MSL1: variants seen among roughly 807,000 people sequenced by gnomAD.
The protein encoded by MSL1 is male-specific lethal 1 homolog.
Under a neutral mutation model 64.6 loss-of-function variants are expected in MSL1, and 21 were observed. The ratio of observed to expected loss-of-function variants is 0.33; its 90% CI spans 0.23 to 0.47. MSL1 has a LOEUF of 0.47. Ranked by LOEUF, MSL1 falls within the 20% of genes least tolerant of loss-of-function variation. MSL1 has a pLI of 1.00. For synonymous variants in MSL1, 339 were observed against 329.6 expected (o/e 1.03, Z -0.31); for missense variants, 664 against 793.2 (o/e 0.84, Z 1.96).
chr17:40,131,694 T>C lies in MSL1; in HGVS notation c.1423+110T>C. ...ACTGGATGTGGGAGACTGAGATTTC[T>C]TGGTGTATGATTGATTACACTACTA... On this transcript the variant is annotated intron_variant, in intron 4 of 8. Transcript: ENST00000398532. This position sits in a 1 kb window ranked among gnomAD's most constrained non-coding sequence, Gnocchi z 4.5. 1 of 1,017,514 alleles carries C rather than the reference T, an allele frequency of 9.8e-7. No individual in the cohort carries two copies. The highest frequency in any genetic ancestry group is 1.6e-6 in the Non-Finnish European group (1 of 639,064). The allele number at this position is 1,017,514 out of a possible 1,614,324, so 63.0% of individuals were successfully genotyped here.
At position 40,129,352 on chromosome 17, in the gene MSL1, A is replaced by G. The variant is rs1235398084; in HGVS notation, c.1100A>G (p.Glu367Gly). 6.2e-7 allele frequency: 1 copy of G among 1,612,718 alleles called. No homozygotes were observed. Among genetic ancestry groups the G allele is most frequent in the African/African-American group, 1.3e-5 (1 of 74,898 alleles). The change falls in exon 3 of 9, where the codon GAA becomes GGA. Residue 367 changes from glutamate (E) to glycine (G), a missense_variant. Glu to Gly is a moderately conservative substitution (Grantham distance 98). Around this residue, in one of 4 missense-constraint regions of MSL1, gnomAD observed 466 missense variants for 499.0 expected, o/e 0.93. Coordinates refer to ENST00000398532, the MANE Select transcript of MSL1 (RefSeq NM_001365919.1). The stretch of plus-strand genomic sequence containing the variant: ...CCTAAGCACTCTCCTATTAAAGAGG[A>G]ACCCTGTGGTTCCTTATCTGAAACT... ...KTPKHSPIKE[E>G]PCGSLSETVC...
At chr17:40,124,535 T>G (rs1394183260) in intron 1 of MSL1, 1 of 152,244 alleles carries the variant, frequency 6.6e-6, no homozygotes, top group Non-Finnish European at 1.5e-5. Context: ...GGAGAATGCA[T>G]TCTGCAAGGT....
In MSL1 at chr17:40,129,419, G is replaced by A. The variant is rs777983898; in HGVS notation, c.1167G>A (p.Lys389=). 2 of 1,613,086 alleles carry A rather than the reference G, an allele frequency of 1.2e-6. No individual in the cohort carries two copies. Among genetic ancestry groups the A allele is most frequent in the African/African-American group, 1.3e-5 (1 of 74,770 alleles). Residue 389 remains lysine, a synonymous_variant, in exon 3 of 9, where the codon AAG becomes AAA. Transcript: ENST00000398532. ...RELRSQETPE[K]PRSSVDTPPR... ...TGAGGAGCCAAGAAACCCCAGAAAAGCCCCGGTCTTCAGTGGACACCCCAC... is the reference window on the plus strand; with the variant it reads ...TGAGGAGCCAAGAAACCCCAGAAAAACCCCGGTCTTCAGTGGACACCCCAC...
At chr17:40,133,322 C>T (rs1988478157) in intron 6 of MSL1, 2 of 748,530 alleles carry the variant, frequency 2.7e-6, no homozygotes, top group East Asian at 5.4e-5. Context: ...TGACCTTCCT[C>T]AATTCTACTT....
Position 40,135,244 on chromosome 17 carries a change from G to A in MSL1, c.*875G>A, listed in dbSNP as rs750284030. Reference sequence around the variant, plus strand: ...TGGGATAGAGACTTAGGGAGGGTAGGGGGAGAGTGTGGAAATAGGTGCTTC... The same window carrying A: ...TGGGATAGAGACTTAGGGAGGGTAGAGGGAGAGTGTGGAAATAGGTGCTTC... On this transcript the variant is annotated 3_prime_UTR_variant, in exon 9 of 9. Coordinates refer to ENST00000398532, the MANE Select transcript of MSL1 (RefSeq NM_001365919.1). 6.6e-6 allele frequency: 1 copy of A among 152,250 alleles called. No individual in the cohort carries two copies. Among genetic ancestry groups the A allele is most frequent in the African/African-American group, 2.4e-5 (1 of 41,402 alleles). 9.4% of individuals were successfully genotyped at this position (152,250 alleles called of 1,614,324 possible).
At position 40,123,038 on chromosome 17, in the gene MSL1, C is replaced by T. The variant is rs958725750; in HGVS notation, c.426C>T (p.Leu142=). The T allele has an allele frequency of 2.6e-6, 4 of 1,532,248 alleles. No homozygotes were observed. In the African/African-American group the frequency reaches 4.1e-5, roughly 16 times the overall value. The allele number at this position is 1,532,248 out of a possible 1,614,324, so 94.9% of individuals were successfully genotyped here. The stretch of plus-strand genomic sequence containing the variant: ...TGCTGCCCATTCAGACGGGCTCTCT[C>T]GTGGCGGCGGCCAAAGAGCCTACGC... ...QAVLPIQTGS[L]VAAAKEPTPW... is the part of the protein sequence containing the mutation. Residue 142 remains leucine, a synonymous_variant, in exon 1 of 9, where the codon CTC becomes CTT. Coordinates refer to ENST00000398532, the MANE Select transcript of MSL1 (RefSeq NM_001365919.1).
rs983523179 is a variant in MSL1 at position 40,122,735 on chromosome 17, C to T, written c.123C>T (p.Ala41=). 2 of 1,453,086 alleles carry T rather than the reference C, an allele frequency of 1.4e-6. No individual in the cohort carries two copies. The highest frequency in any genetic ancestry group is 1.5e-5 in the African/African-American group (1 of 67,292). The allele number at this position is 1,453,086 out of a possible 1,614,324, so 90.0% of individuals were successfully genotyped here. ...GGCCCGAGGACGAGCCTGGGGCGGC[C>T]GAAGCCCACTTCCTCCCCCGGCACC... The part of the protein sequence containing the change: ...LGGPEDEPGA[A]EAHFLPRHRK... Residue 41 remains alanine, a synonymous_variant, in exon 1 of 9, where the codon GCC becomes GCT. Transcript: ENST00000398532. This position sits in a 1 kb window ranked among gnomAD's most constrained non-coding sequence, Gnocchi z 4.2.
At chr17:40,134,081 T>C (rs955386564) in intron 8 of MSL1, among the ~76,000 whole-genome samples, 182 bp downstream of exon 8, 1 of 152,166 alleles carries the variant, frequency 6.6e-6, no homozygotes, top group Non-Finnish European at 1.5e-5. Flanking sequence ...ATTAGGAGTA[T>C]TGCTTTTTGA....
In MSL1 at chr17:40,131,868, G is replaced by A; in HGVS notation, c.1424-166G>A. On this transcript the variant is annotated intron_variant, in intron 4 of 8. Transcript: ENST00000398532. This position sits in a 1 kb window ranked among gnomAD's most constrained non-coding sequence, Gnocchi z 4.5. ...TTTAGGTTCTTTTATACCATAGCAA[G>A]GACACTGAATATGGCTTCAGGGAGG... is the stretch of plus-strand genomic sequence containing the variant. 1 of 622,310 alleles carries A rather than the reference G, an allele frequency of 1.6e-6. No individual in the cohort carries two copies. The highest frequency in any genetic ancestry group is 2.8e-6 in the Non-Finnish European group (1 of 355,014). 38.5% of individuals were successfully genotyped at this position (622,310 alleles called of 1,614,324 possible).
rs943441563 is a variant in MSL1 at position 40,122,181 on chromosome 17, G to T, written c.-432G>T. ...CACCCCCTCCTGAGGAGGAGGGGGG[G>T]GAAATGGAGGCTCGGGGCGGTTGAG... On this transcript the variant is annotated 5_prime_UTR_variant, in exon 1 of 9. Coordinates refer to ENST00000398532, the MANE Select transcript of MSL1 (RefSeq NM_001365919.1). This position sits in a 1 kb window ranked among gnomAD's most constrained non-coding sequence, Gnocchi z 4.2. 3 of 149,596 alleles carry T rather than the reference G, an allele frequency of 2.0e-5. No individual in the cohort carries two copies. Among genetic ancestry groups the T allele is most frequent in the Admixed American group, 6.6e-5 (1 of 15,134 alleles). 9.3% of individuals were successfully genotyped at this position (149,596 alleles called of 1,614,324 possible).
chr17:40,133,675 TAA>T lies in MSL1; in HGVS notation c.1681+20_1681+21del. 1 of 1,612,454 alleles carries T rather than the reference TAA, an allele frequency of 6.2e-7. No homozygotes were observed. The highest frequency in any genetic ancestry group is 8.5e-7 in the Non-Finnish European group (1 of 1,179,348). Reference sequence around the variant, plus strand: ...CAGATGATGGTAAGTTGTGTCCATCTAAAAGAGTAGGTTTTTGAAAGAAGGAG... The same window carrying T: ...CAGATGATGGTAAGTTGTGTCCATCTAAGAGTAGGTTTTTGAAAGAAGGAG... On this transcript the variant is annotated intron_variant, in intron 7 of 8. Coordinates refer to ENST00000398532, the MANE Select transcript of MSL1 (RefSeq NM_001365919.1).
intron 2 of MSL1, among the ~76,000 whole-genome samples, chr17:40,127,936 A>T (rs1461441638): frequency 6.6e-6 from 1 of 152,084 alleles, no homozygotes; most frequent in Non-Finnish European, 1.5e-5. Flanking sequence ...CATCCTGGCT[A>T]ACACGGTGAA....
In MSL1 at chr17:40,131,529, T is replaced by C; in HGVS notation, c.1376-8T>C. 6.2e-7 allele frequency: 1 copy of C among 1,612,708 alleles called. No homozygotes were observed. The highest frequency in any genetic ancestry group is 8.5e-7 in the Non-Finnish European group (1 of 1,178,796). ...ACTGAGATTATTCTTCTTTCCTGCATTATTTAGGGTGTCTGATGCCATCAA... is the reference window on the plus strand; with the variant it reads ...ACTGAGATTATTCTTCTTTCCTGCACTATTTAGGGTGTCTGATGCCATCAA... On this transcript the variant is annotated splice_region_variant and splice_polypyrimidine_tract_variant and intron_variant, in intron 3 of 8. Coordinates refer to ENST00000398532, the MANE Select transcript of MSL1 (RefSeq NM_001365919.1). This position sits in a 1 kb window ranked among gnomAD's most constrained non-coding sequence, Gnocchi z 4.5.
rs959412061 is a variant in MSL1, at chr17:40,122,731, C to T, written c.119C>T (p.Ala40Val). The T allele has an allele frequency of 2.7e-6, 4 of 1,454,882 alleles. No individual in the cohort carries two copies. The highest frequency in any genetic ancestry group is 3.6e-6 in the Non-Finnish European group (4 of 1,111,936). 90.1% of individuals were successfully genotyped at this position (1,454,882 alleles called of 1,614,324 possible). The change falls in exon 1 of 9, where the codon GCG becomes GTG. Residue 40 changes from alanine (A) to valine (V), a missense_variant. This residue lies in a region of MSL1 where 466 missense variants were observed against 499.0 expected (regional missense o/e 0.93). Coordinates refer to ENST00000398532, the MANE Select transcript of MSL1 (RefSeq NM_001365919.1). This position sits in a 1 kb window ranked among gnomAD's most constrained non-coding sequence, Gnocchi z 4.2. ...GGCGGGCCCGAGGACGAGCCTGGGG[C>T]GGCCGAAGCCCACTTCCTCCCCCGG... ...ALGGPEDEPG[A>V]AEAHFLPRHR... is the part of the protein sequence containing the mutation.
rs370482091 is a variant in MSL1, at chr17:40,134,356, C to T, written c.1832C>T (p.Thr611Met). The change falls in exon 9 of 9, where the codon ACG becomes ATG. Residue 611 changes from threonine (T) to methionine (M), a missense_variant. Physicochemically the swap from Thr to Met is moderately conservative, Grantham distance 81. Transcript: ENST00000398532. ...EIQKKQTPHRTCRK is the reference protein window; with the variant it reads ...EIQKKQTPHRMCRK The stretch of plus-strand genomic sequence containing the variant: ...CAGAAGAAGCAAACACCTCACCGGA[C>T]GTGTAGGAAATAGCTGTGCTGGCAA... The T allele has an allele frequency of 5.8e-6, 9 of 1,554,704 alleles. No homozygotes were observed. The highest frequency in any genetic ancestry group is 4.8e-5 in the East Asian group (2 of 41,324).
At position 40,122,584 on chromosome 17, in the gene MSL1, C is replaced by T. The variant is rs1278090349; in HGVS notation, c.-29C>T. The T allele has an allele frequency of 1.4e-6, 2 of 1,395,272 alleles. No homozygotes were observed. The highest frequency in any genetic ancestry group is 1.9e-6 in the Non-Finnish European group (2 of 1,077,742). The allele number at this position is 1,395,272 out of a possible 1,614,324, so 86.4% of individuals were successfully genotyped here. A position where few individuals can be genotyped will look rare whatever the true frequency, so the allele number is the denominator to read the frequency against. ...GCCCCTTCCCCACCCCCTCCTCCGCCTCGGTGCCCGGCGCTGCTCCGGACC... is the reference window on the plus strand; with the variant it reads ...GCCCCTTCCCCACCCCCTCCTCCGCTTCGGTGCCCGGCGCTGCTCCGGACC... On this transcript the variant is annotated 5_prime_UTR_variant, in exon 1 of 9. Coordinates refer to ENST00000398532, the MANE Select transcript of MSL1 (RefSeq NM_001365919.1). The surrounding 1 kb of genome is among the most constrained non-coding windows in gnomAD (Gnocchi z 4.2).
At position 40,131,729 on chromosome 17, in the gene MSL1, A is replaced by G; in HGVS notation, c.1423+145A>G. ...ATTGATTACACTACTATAGACTTCA[A>G]AATGACAACAAATTTCAGTTGTTTT... On this transcript the variant is annotated intron_variant, in intron 4 of 8. Coordinates refer to ENST00000398532, the MANE Select transcript of MSL1 (RefSeq NM_001365919.1). This position sits in a 1 kb window ranked among gnomAD's most constrained non-coding sequence, Gnocchi z 4.5. 5.3e-6 allele frequency: 4 copies of G among 755,804 alleles called. No homozygotes were observed. The Middle Eastern group carries it at 9.6e-4, about 181-fold the overall frequency. 46.8% of individuals were successfully genotyped at this position (755,804 alleles called of 1,614,324 possible). A position where few individuals can be genotyped will look rare whatever the true frequency, so the allele number is the denominator to read the frequency against.
chr17:40,122,150 GCC>G lies in MSL1; in HGVS notation c.-461_-460del, dbSNP rs1988184304. 1 of 149,254 alleles carries G rather than the reference GCC, an allele frequency of 6.7e-6. No individual in the cohort carries two copies. The highest frequency in any genetic ancestry group is 1.5e-5 in the Non-Finnish European group (1 of 66,950). 9.2% of individuals were successfully genotyped at this position (149,254 alleles called of 1,614,324 possible). On this transcript the variant is annotated 5_prime_UTR_variant, in exon 1 of 9. Transcript: ENST00000398532. This position sits in a 1 kb window ranked among gnomAD's most constrained non-coding sequence, Gnocchi z 4.2. Reference sequence around the variant, plus strand: ...AGTAGGAGGGCTTTGGGCGGACCCAGCCCTCCACCCCCTCCTGAGGAGGAGGG... The same window carrying G: ...AGTAGGAGGGCTTTGGGCGGACCCAGCTCCACCCCCTCCTGAGGAGGAGGG...
chr17:40,126,074 T>C, intron 1 of MSL1, 109 bp from the exon 2 acceptor site: 1 of 886,886 alleles, frequency 1.1e-6, no homozygotes. Flanking sequence ...TGAGTTGATG[T>C]GGTCCATAGA....
Sources: gnomAD v4.1 joint callset for allele counts (sites outside exome capture counted in the v4.1 genomes callset) on GRCh38, gnomAD v4.1.1 for gene constraint, gnomAD v4.1.1 regional missense constraint, Gnocchi (gnomAD v3.1) non-coding constraint, MANE v1.5 for transcripts, NCBI Gene and HGNC (gene_info 2026-07-23, HGNC 2026-07-21) for gene names.